Variants in RTN3 observed in about 807,000 individuals in gnomAD.
RTN3 encodes the protein reticulon-3.
RTN3 carries 49 observed loss-of-function variants against 77.8 expected under a neutral mutation model. The ratio of observed to expected loss-of-function variants is 0.63; its 90% CI spans 0.50 to 0.80. The LOEUF is 0.80. RTN3 is among the 30% of genes least tolerant of loss of function. RTN3 has a pLI of 0.00. For synonymous variants in RTN3, 464 were observed against 446.9 expected, an observed-to-expected ratio of 1.04 and a Z score of -0.48; for missense variants, 1,236 against 1,211.9, an observed-to-expected ratio of 1.02 and a Z score of -0.29.
intron 2 of RTN3, among the ~76,000 whole-genome samples, chr11:63,717,483 G>C (rs1488699801): frequency 6.7e-6 from 1 of 148,234 alleles, no homozygotes; most frequent in Non-Finnish European, 1.5e-5. Flanking sequence ...TGCCTCCTGG[G>C]TTCAAAGGAT....
chr11:63,696,977 C>T (rs1384561094), intron 1 of RTN3, among the ~76,000 whole-genome samples: 4 of 145,952 alleles, frequency 2.7e-5, no homozygotes, highest in East Asian at 2.1e-4. Context: ...CTCCGCCTCC[C>T]GGGTTCACGC....
In RTN3 at chr11:63,692,520, AGGCTGAG is replaced by A. The variant is rs200438788; in HGVS notation, c.142+10744_142+10750del. ...ATGCCTGTAATCCCAGCACTTTGGG[AGGCTGAG>A]GCAGACAGATCACGAGGTCAGGAGA... On this transcript the variant is annotated intron_variant, in intron 1 of 8. Transcript: ENST00000377819. Among the ~76,000 whole-genome samples the A allele has an allele frequency of 4.1e-4, 62 of 152,086 alleles. No individual in the cohort carries two copies. The East Asian group carries it at 0.011, about 27-fold the overall frequency.
At chr11:63,724,723 C>T (rs920365524) in intron 3 of RTN3, among the ~76,000 whole-genome samples, 8 of 152,082 alleles carry the variant, frequency 5.3e-5, no homozygotes, top group African/African-American at 1.9e-4. Context: ...GAACTCCTGA[C>T]CTCGTGATCC....
Position 63,704,877 on chromosome 11 carries a change from C to T in RTN3, c.169C>T (p.Gln57Ter). The T allele has an allele frequency of 6.2e-7, 1 of 1,612,120 alleles. No individual in the cohort carries two copies. The highest frequency in any genetic ancestry group is 8.5e-7 in the Non-Finnish European group (1 of 1,178,418). ...TTCCTTTGTTTCTTCCTCTTCCTCT[C>T]AGCCTGTATCTCTATTTTCGACCTC... ...ADSFVSSSSS[Q>*]PVSLFSTSQE... The change falls in exon 2 of 9, where the codon CAG becomes TAG. Residue 57 changes from glutamine (Q) to a stop codon, truncating the protein, a stop_gained. Coordinates refer to ENST00000377819, the MANE Select transcript of RTN3 (RefSeq NM_001265589.2). LOFTEE classifies it high-confidence loss of function.
At chr11:63,716,986 A>AAC (rs978102200) in intron 2 of RTN3, among the ~76,000 whole-genome samples, 6 of 149,438 alleles carry the variant, frequency 4.0e-5, no homozygotes, top group East Asian at 3.9e-4. Flanking sequence ...AAACAAAAAA[A>AAC]AAAAAAAAAG....
At chr11:63,731,958 T>C (rs1422639640) in intron 3 of RTN3, among the ~76,000 whole-genome samples, 4 of 152,128 alleles carry the variant, frequency 2.6e-5, no homozygotes, top group South Asian at 2.1e-4. Flanking sequence ...GCCATGTATA[T>C]AGCTTTAAAT....
At chr11:63,706,517 A>C (rs1452671625) in intron 2 of RTN3, among the ~76,000 whole-genome samples, 1 of 152,142 alleles carries the variant, frequency 6.6e-6, no homozygotes, top group African/African-American at 2.4e-5. Flanking sequence ...ATTTGTTTTA[A>C]TTTAAACTGA....
chr11:63,756,001 C>T (rs2014363600), intron 7 of RTN3, 111 bp from the exon 8 acceptor site: 3 of 717,112 alleles, frequency 4.2e-6, no homozygotes, highest in African/African-American at 1.8e-5. Context: ...TCATTTTCTA[C>T]ACTGGTCAGT....
intron 3 of RTN3, among the ~76,000 whole-genome samples, chr11:63,749,161 T>C (rs899651553): frequency 2.6e-5 from 4 of 152,148 alleles, no homozygotes; most frequent in African/African-American, 9.7e-5. Flanking sequence ...ATACCTGTAG[T>C]CCTAGCTACT....
chr11:63,702,449 G>T (rs2134714213), intron 1 of RTN3, among the ~76,000 whole-genome samples: 1 of 151,240 alleles, frequency 6.6e-6, no homozygotes, highest in Admixed American at 6.6e-5. Context: ...GGAGTAGCTG[G>T]GATTACAGGC....
At chr11:63,748,815 A>AT (rs1441124374) in intron 3 of RTN3, among the ~76,000 whole-genome samples, 2 of 151,358 alleles carry the variant, frequency 1.3e-5, no homozygotes, top group African/African-American at 2.4e-5. Context: ...CTACAGGCAC[A>AT]TACCACCATG....
At chr11:63,757,718 T>C (rs1008395758) in intron 8 of RTN3, among the ~76,000 whole-genome samples, 1 of 126,986 alleles carries the variant, frequency 7.9e-6, no homozygotes, top group Non-Finnish European at 1.6e-5. Context: ...ATTTTTCTTT[T>C]TTTCTTTTTT....
intron 1 of RTN3, among the ~76,000 whole-genome samples, chr11:63,703,259 A>G (rs1413053115): frequency 2.0e-5 from 3 of 152,220 alleles, no homozygotes; most frequent in African/African-American, 7.2e-5. Flanking sequence ...CATTTTATAC[A>G]CAGGACTTGA....
In RTN3 at chr11:63,700,799, A is replaced by G. The variant is rs964149234; in HGVS notation, c.143-4052A>G. On this transcript the variant is annotated intron_variant, in intron 1 of 8. Transcript: ENST00000377819. ...TTCATTGGTCACTGTGTATCCTGATAAGAATTTTCAGGCCAGGCTTGGTGG... is the reference window on the plus strand; with the variant it reads ...TTCATTGGTCACTGTGTATCCTGATGAGAATTTTCAGGCCAGGCTTGGTGG... Among the ~76,000 whole-genome samples the G allele has an allele frequency of 3.3e-5, 5 of 152,106 alleles. No homozygotes were observed. The South Asian group carries it at 1.0e-3, about 32-fold the overall frequency.
In RTN3 at chr11:63,723,311, G is replaced by T. The variant is rs535947715; in HGVS notation, c.2530+2279G>T. Among the ~76,000 whole-genome samples, 26 of 151,236 alleles carry T rather than the reference G, an allele frequency of 1.7e-4. 1 individual carries two copies. The highest frequency in any genetic ancestry group is 5.8e-4 in the African/African-American group (24 of 41,220). On this transcript the variant is annotated intron_variant, in intron 3 of 8. Transcript: ENST00000377819. ...AACCTTTTAAAATTGTCTTATTTAT[G>T]AATAAATCTTTAAAAATATAATCCA...
intron 1 of RTN3, among the ~76,000 whole-genome samples, chr11:63,692,487 G>A (rs569543569): frequency 4.6e-5 from 7 of 152,158 alleles, no homozygotes; most frequent in Non-Finnish European, 8.8e-5. Flanking sequence ...GGCCGGGCGC[G>A]GTGGCTCATG....
Position 63,720,363 on chromosome 11 carries a change from AAT to A in RTN3, c.1862_1863del (p.Asn621ArgfsTer23). 1 of 1,614,084 alleles carries A rather than the reference AAT, an allele frequency of 6.2e-7. No homozygotes were observed. The highest frequency in any genetic ancestry group is 8.5e-7 in the Non-Finnish European group (1 of 1,179,984). On this transcript the variant is annotated frameshift_variant, in exon 3 of 9. Coordinates refer to ENST00000377819, the MANE Select transcript of RTN3 (RefSeq NM_001265589.2). LOFTEE classifies it high-confidence loss of function. ...TTCAACAGTGTCTCCAAATGTTTTTAATGAGACAGAATTCTCATTAAATGTGA... is the reference window on the plus strand; with the variant it reads ...TTCAACAGTGTCTCCAAATGTTTTTAGAGACAGAATTCTCATTAAATGTGA... ...LPSTVSPNVFNETEFSLNVTT... is the reference protein window; with the variant it reads ...LPSTVSPNVFXETEFSLNVTT...
chr11:63,738,976 C>T (rs746900452), intron 3 of RTN3, among the ~76,000 whole-genome samples: 2 of 151,938 alleles, frequency 1.3e-5, no homozygotes, highest in Non-Finnish European at 2.9e-5. Flanking sequence ...CTGCAGCCGG[C>T]GTCCTTAAAT....
At chr11:63,724,021 T>C (rs1261064818) in intron 3 of RTN3, among the ~76,000 whole-genome samples, 1 of 152,000 alleles carries the variant, frequency 6.6e-6, no homozygotes, top group Non-Finnish European at 1.5e-5. Flanking sequence ...GTGAAGATAG[T>C]TTTTTGTGTT....
Sources: allele counts gnomAD v4.1 joint callset (sites outside exome capture counted in the v4.1 genomes callset), GRCh38; gene constraint gnomAD v4.1.1; transcripts MANE v1.5; gene names NCBI Gene and HGNC (gene_info 2026-07-23, HGNC 2026-07-21).